GLI2: variants seen among roughly 807,000 people sequenced by gnomAD.
The protein encoded by GLI2 is GLI family zinc finger 2, also known as transcription activator GLI2.
Under a neutral mutation model 78.9 loss-of-function variants are expected in GLI2, and 22 were observed. That is an observed-to-expected ratio of 0.28 (90% CI 0.20 to 0.40). The LOEUF (loss-of-function observed/expected upper bound fraction) is 0.40, where lower values mean the gene tolerates loss of function less well. Ranked by LOEUF, GLI2 falls within the 10% of genes least tolerant of loss-of-function variation. The pLI is 1.00. For synonymous variants in GLI2, 974 were observed against 963.7 expected (o/e 1.01, Z -0.20); for missense variants, 2,097 against 2,213.2 (o/e 0.95, Z 1.05).
intron 1 of GLI2, among the ~76,000 whole-genome samples, chr2:120,768,828 TGC>T (rs1553446330): frequency 2.7e-5 from 4 of 150,412 alleles, no homozygotes; most frequent in African/African-American, 4.9e-5. Context: ...TGTGTGTGTG[TGC>T]GTGTGTGTGC....
chr2:120,837,255 G>A (rs1369027612), intron 2 of GLI2, among the ~76,000 whole-genome samples: 4 of 152,130 alleles, frequency 2.6e-5, no homozygotes, highest in South Asian at 2.1e-4. Flanking sequence ...CTAGCCGGGT[G>A]TGGTGGCGGG....
At chr2:120,858,771 A>C (rs1687773339) in intron 2 of GLI2, among the ~76,000 whole-genome samples, 1 of 152,200 alleles carries the variant, frequency 6.6e-6, no homozygotes, top group Non-Finnish European at 1.5e-5. Flanking sequence ...GAGGGCCTGC[A>C]GTGCTGGGGG....
chr2:120,982,522 T>C (rs1056646397), intron 10 of GLI2, among the ~76,000 whole-genome samples, 194 bp from the exon 11 acceptor site: 21 of 152,124 alleles, frequency 1.4e-4, no homozygotes, highest in African/African-American at 5.1e-4. Context: ...CGACCGGTGG[T>C]TTTCATTTTT....
At chr2:120,883,358 G>C (rs973757276) in intron 2 of GLI2, among the ~76,000 whole-genome samples, 1 of 152,092 alleles carries the variant, frequency 6.6e-6, no homozygotes, top group Non-Finnish European at 1.5e-5. Flanking sequence ...ATGGTGGCAC[G>C]TGCCTACAGT....
intron 2 of GLI2, among the ~76,000 whole-genome samples, chr2:120,899,020 T>C (rs1678114936): frequency 1.3e-5 from 2 of 152,098 alleles, no homozygotes; most frequent in Non-Finnish European, 2.9e-5. Context: ...CTTTTTCCTC[T>C]ACTCCCTCCG....
At chr2:120,819,687 A>G (rs974782946) in intron 2 of GLI2, among the ~76,000 whole-genome samples, 1 of 152,222 alleles carries the variant, frequency 6.6e-6, no homozygotes, top group Admixed American at 6.5e-5. Flanking sequence ...TGCCACAGGC[A>G]GTTTATTCAT....
At position 120,942,484 on chromosome 2, in the gene GLI2, A is replaced by G. The variant is rs535057073; in HGVS notation, c.255-8759A>G. Among the ~76,000 whole-genome samples, 14 of 152,314 alleles carry G rather than the reference A, an allele frequency of 9.2e-5. No homozygotes were observed. The South Asian group carries it at 2.9e-3, about 32-fold the overall frequency. On this transcript the variant is annotated intron_variant, in intron 3 of 13. Transcript: ENST00000361492. The stretch of plus-strand genomic sequence containing the variant: ...GTCTAAAGACCCCATGATGGCATGT[A>G]GGGCCCACTCAGGTAACCCATAATC...
intron 2 of GLI2, among the ~76,000 whole-genome samples, chr2:120,916,527 C>T (rs1338919703): frequency 2.0e-5 from 3 of 152,260 alleles, no homozygotes; most frequent in South Asian, 2.1e-4. Context: ...GTTTGTGCTG[C>T]GTGGGCCTCG....
At chr2:120,948,857 C>G (rs1316988132) in intron 3 of GLI2, among the ~76,000 whole-genome samples, 2 of 152,182 alleles carry the variant, frequency 1.3e-5, no homozygotes, top group Non-Finnish European at 2.9e-5. Context: ...GGCCGGCATC[C>G]TGCAGGCTCT....
chr2:120,817,402 C>A (rs776192094), intron 2 of GLI2, among the ~76,000 whole-genome samples: 1 of 152,226 alleles, frequency 6.6e-6, no homozygotes, highest in Non-Finnish European at 1.5e-5. Context: ...CCATCACATG[C>A]CCATCATGAC....
intron 1 of GLI2, among the ~76,000 whole-genome samples, chr2:120,791,664 G>A (rs1684162082): frequency 6.6e-6 from 1 of 152,204 alleles, no homozygotes; most frequent in Admixed American, 6.5e-5. Context: ...ATATACATGT[G>A]CATGTGTGAG....
intron 2 of GLI2, among the ~76,000 whole-genome samples, chr2:120,814,136 T>C (rs7601001): frequency 0.98 from 149,349 of 152,240 alleles, 73,269 homozygotes; most frequent in Middle Eastern, 1. Flanking sequence ...GGGTTCCTTT[T>C]GCACTCCAGA....
chr2:120,948,732 G>A lies in GLI2; in HGVS notation c.255-2511G>A, dbSNP rs191056046. Among the ~76,000 whole-genome samples the A allele has an allele frequency of 5.3e-5, 8 of 152,288 alleles. No individual in the cohort carries two copies. The East Asian group carries it at 1.5e-3, about 29-fold the overall frequency. Reference sequence around the variant, plus strand: ...GCTATCGCAGGGGGCCTCAGCTGTGGTTGGCACACCCCACAGGGCAACCCT... The same window carrying A: ...GCTATCGCAGGGGGCCTCAGCTGTGATTGGCACACCCCACAGGGCAACCCT... On this transcript the variant is annotated intron_variant, in intron 3 of 13. Coordinates refer to ENST00000361492, the MANE Select transcript of GLI2 (RefSeq NM_001374353.1).
chr2:120,972,273 C>T (rs1316414422), intron 8 of GLI2, among the ~76,000 whole-genome samples: 3 of 152,218 alleles, frequency 2.0e-5, no homozygotes, highest in Non-Finnish European at 4.4e-5. Flanking sequence ...TCCCATCACA[C>T]ATGGTGAATG....
At chr2:120,924,647 A>G (rs1314165407) in intron 2 of GLI2, among the ~76,000 whole-genome samples, 1 of 152,134 alleles carries the variant, frequency 6.6e-6, no homozygotes, top group Non-Finnish European at 1.5e-5. Context: ...TTTTCTACAC[A>G]TTTGGGAAAG....
rs541998566 is a variant in GLI2 at position 120,737,980 on chromosome 2, T to C, written c.-31+1695T>C. The stretch of plus-strand genomic sequence containing the variant: ...GCCAGCTTTCTCTCCGCCCATTTCC[T>C]TACCTTGCTGGGAGTTCCCTTGGCT... On this transcript the variant is annotated intron_variant, in intron 1 of 13. Transcript: ENST00000361492. The surrounding 1 kb of genome is among the most constrained non-coding windows in gnomAD (Gnocchi z 4.3). 2.0e-5 allele frequency among the ~76,000 whole-genome samples: 3 copies of C among 152,226 alleles called. No individual in the cohort carries two copies. The highest frequency in any genetic ancestry group is 4.4e-5 in the Non-Finnish European group (3 of 68,042).
rs1231188718 is a variant in GLI2, at chr2:120,823,454, C to T, written c.148+25986C>T. 2.0e-5 allele frequency among the ~76,000 whole-genome samples: 3 copies of T among 152,148 alleles called. No individual in the cohort carries two copies. The East Asian group carries it at 5.8e-4, about 29-fold the overall frequency. ...AGGAGGCAGAGAGGGACATCACTCG[C>T]CCAGTACACGCTGAAGTGTGCTTTA... On this transcript the variant is annotated intron_variant, in intron 2 of 13. Transcript: ENST00000361492.
chr2:120,801,441 T>G (rs1204304582), intron 2 of GLI2, among the ~76,000 whole-genome samples: 2 of 152,194 alleles, frequency 1.3e-5, no homozygotes, highest in Admixed American at 1.3e-4. Flanking sequence ...GGGATTTCAC[T>G]TCTGAGTTCT....
intron 2 of GLI2, among the ~76,000 whole-genome samples, chr2:120,798,628 C>T (rs1684529661): frequency 6.6e-6 from 1 of 152,198 alleles, no homozygotes; most frequent in South Asian, 2.1e-4. Context: ...GGGGAGGTGG[C>T]CTTCTGAGCT....
Sources: gnomAD v4.1 joint callset for allele counts (sites outside exome capture counted in the v4.1 genomes callset) on GRCh38, gnomAD v4.1.1 for gene constraint, Gnocchi (gnomAD v3.1) non-coding constraint, MANE v1.5 for transcripts, NCBI Gene and HGNC (gene_info 2026-07-23, HGNC 2026-07-21) for gene names.